The following UGT1A4 variants were observed in gnomAD, a reference collection of about 807,000 sequenced individuals.
UGT1A4 encodes UDP-glucuronosyltransferase 1A4.
Under a neutral mutation model 41.1 loss-of-function variants are expected in UGT1A4, and 32 were observed. That is an observed-to-expected ratio of 0.78 (90% confidence interval 0.59 to 1.05). UGT1A4 has a LOEUF of 1.05. UGT1A4 is among the 50% of genes least tolerant of loss of function. The pLI, the probability that UGT1A4 is intolerant of heterozygous loss-of-function variation, is 0.00. For synonymous variants in UGT1A4, 283 were observed against 265.1 expected (o/e 1.07, Z -0.66); for missense variants, 748 against 677.4 (o/e 1.10, Z -1.16).
At position 233,764,542 on chromosome 2, in the gene UGT1A4, C is replaced by T. The variant is rs34078324; in HGVS notation, c.868-2492C>T. ...CACATCCTGCTGATTGCTGAGTGGGCGTGTGGGAGGGTGTGCCTGGAGGAG... is the reference window on the plus strand; with the variant it reads ...CACATCCTGCTGATTGCTGAGTGGGTGTGTGGGAGGGTGTGCCTGGAGGAG... On this transcript the variant is annotated intron_variant, in intron 1 of 4. Transcript: ENST00000373409. Among the ~76,000 whole-genome samples, 1,361 of 152,150 alleles carry T rather than the reference C, an allele frequency of 8.9e-3. 20 individuals carry two copies. The highest frequency in any genetic ancestry group is 0.032 in the African/African-American group (1,309 of 41,498).
intron 1 of UGT1A4, among the ~76,000 whole-genome samples, chr2:233,720,365 G>C (rs920594093): frequency 6.6e-6 from 1 of 152,064 alleles, no homozygotes; most frequent in East Asian, 1.9e-4. Context: ...ATGTCAAAAG[G>C]GTCTTCTACT....
chr2:233,725,676 T>G (rs889497108), intron 1 of UGT1A4, among the ~76,000 whole-genome samples: 6 of 152,226 alleles, frequency 3.9e-5, no homozygotes, highest in African/African-American at 9.6e-5. Flanking sequence ...TAGTCACATT[T>G]CAAGTGCTCA....
chr2:233,718,875 C>T lies in UGT1A4; in HGVS notation c.55C>T (p.Leu19Phe). Residue 19 changes from leucine (L) to phenylalanine (F), a missense_variant, in exon 1 of 5, where the codon CTC becomes TTC. Leu to Phe is a conservative substitution (Grantham distance 22). Coordinates refer to ENST00000373409, the MANE Select transcript of UGT1A4 (RefSeq NM_007120.3). The part of the protein sequence containing the change: ...LPRLATGLLL[L>F]LSVQPWAESG... ...GCGGCTGGCCACAGGACTGCTGCTC[C>T]TCCTCAGTGTCCAGCCCTGGGCTGA... 1 of 1,613,984 alleles carries T rather than the reference C, an allele frequency of 6.2e-7. No homozygotes were observed. The highest frequency in any genetic ancestry group is 1.7e-4 in the Middle Eastern group (1 of 5,960).
chr2:233,728,143 T>C (rs2077685239), intron 1 of UGT1A4, among the ~76,000 whole-genome samples: 1 of 152,216 alleles, frequency 6.6e-6, no homozygotes, highest in African/African-American at 2.4e-5. Flanking sequence ...CCCCACAAAT[T>C]GTGCAGCCCA....
intron 1 of UGT1A4, chr2:233,760,404 C>T (rs1211296854): frequency 1.2e-6 from 2 of 1,614,220 alleles, no homozygotes; most frequent in Non-Finnish European, 8.5e-7. Flanking sequence ...ATGGCAGCCA[C>T]TGGCTGAGCA....
In UGT1A4 at chr2:233,755,096, G is replaced by A. The variant is rs62191920; in HGVS notation, c.868-11938G>A. On this transcript the variant is annotated intron_variant, in intron 1 of 4. Transcript: ENST00000373409. ...GGTCATAGATATCGCGTTTCTACGC[G>A]TCCGACAACACCTCGTAGGCCTCAG... 3.7e-6 allele frequency: 5 copies of A among 1,334,470 alleles called. No individual in the cohort carries two copies. The Admixed American group carries it at 7.6e-5, about 20-fold the overall frequency. 82.7% of individuals were successfully genotyped at this position (1,334,470 alleles called of 1,614,324 possible).
In UGT1A4 at chr2:233,772,456, T is replaced by A; in HGVS notation, c.1502T>A (p.Leu501Gln). The A allele has an allele frequency of 6.2e-7, 1 of 1,614,218 alleles. No homozygotes were observed. The highest frequency in any genetic ancestry group is 8.5e-7 in the Non-Finnish European group (1 of 1,180,044). Residue 501 changes from leucine to glutamine, a missense_variant, in exon 5 of 5, where the codon CTG (leucine) becomes CAG (glutamine). Leu to Gln is a moderately radical substitution (Grantham distance 113). Coordinates refer to ENST00000373409, the MANE Select transcript of UGT1A4 (RefSeq NM_007120.3). ...ATTGGTTTCCTCTTGGCCGTCGTGC[T>A]GACAGTGGCCTTCATCACCTTTAAA... is the stretch of plus-strand genomic sequence containing the variant. ...DVIGFLLAVV[L>Q]TVAFITFKCC...
chr2:233,742,647 G>A (rs1292075508), intron 1 of UGT1A4: 1 of 152,020 alleles, frequency 6.6e-6, no homozygotes, highest in African/African-American at 2.4e-5. Context: ...GTATACCACC[G>A]ACCAACCATG....
In UGT1A4 at chr2:233,719,401, T is replaced by C; in HGVS notation, c.581T>C (p.Ile194Thr). The C allele has an allele frequency of 1.9e-6, 3 of 1,614,018 alleles. No homozygotes were observed. Among genetic ancestry groups the C allele is most frequent in the South Asian group, 1.1e-5 (1 of 91,076 alleles). The change falls in exon 1 of 5, where the codon ATT becomes ACT. Residue 194 changes from isoleucine to threonine, a missense_variant. By Grantham distance (89) the Ile-to-Thr change is moderately conservative. Transcript: ENST00000373409. ...GTQCPNPSSY[I>T]PKLLTTNSDH... is the part of the protein sequence containing the mutation. Reference sequence around the variant, plus strand: ...CAGTGTCCAAATCCTTCCTCCTATATTCCTAAGTTACTAACGACCAATTCA... The same window carrying C: ...CAGTGTCCAAATCCTTCCTCCTATACTCCTAAGTTACTAACGACCAATTCA...
At chr2:233,767,302 A>G (rs951994488) in intron 2 of UGT1A4, 137 bp downstream of exon 2, 1 of 1,534,820 alleles carries the variant, frequency 6.5e-7, no homozygotes, top group African/African-American at 1.4e-5. Context: ...TATTAATCCA[A>G]AGGTTTTTTT....
chr2:233,731,938 C>T (rs1286643444), intron 1 of UGT1A4, among the ~76,000 whole-genome samples: 1 of 152,210 alleles, frequency 6.6e-6, no homozygotes, highest in African/African-American at 2.4e-5. Flanking sequence ...ACATCCTCTC[C>T]AACATCTGTT....
At chr2:233,743,706 C>G in intron 1 of UGT1A4, 1 of 1,367,368 alleles carries the variant, frequency 7.3e-7, no homozygotes, top group Non-Finnish European at 9.8e-7. Context: ...TCCGCCCCCG[C>G]CTCGCCATAG....
chr2:233,760,927 C>T (rs1225128510), intron 1 of UGT1A4: 3 of 1,614,216 alleles, frequency 1.9e-6, no homozygotes, highest in Non-Finnish European at 2.5e-6. Flanking sequence ...GAAGAACATG[C>T]TCATTGCCTT....
intron 1 of UGT1A4, among the ~76,000 whole-genome samples, chr2:233,736,594 G>A (rs1196858563): frequency 2.0e-5 from 3 of 152,156 alleles, no homozygotes; most frequent in African/African-American, 7.2e-5. Flanking sequence ...ATGTGCTTAT[G>A]CGCTATGGTT....
intron 1 of UGT1A4, chr2:233,729,638 T>G (rs2077898670): frequency 6.2e-7 from 1 of 1,613,806 alleles, no homozygotes; most frequent in Admixed American, 1.7e-5. Context: ...CCTACTGTGT[T>G]TTTTTTGAGG....
rs200734586 is a variant in UGT1A4 at position 233,760,641 on chromosome 2, G to T, written c.868-6393G>T. ...TCAAAACATACAAGAAAATAAAAAA[G>T]GACTCTGCTATGCTTTTGTCTGGCT... On this transcript the variant is annotated intron_variant, in intron 1 of 4. Transcript: ENST00000373409. The T allele has an allele frequency of 1.5e-4, 243 of 1,614,044 alleles. No individual in the cohort carries two copies. The highest frequency in any genetic ancestry group is 2.0e-4 in the Non-Finnish European group (236 of 1,180,030).
chr2:233,754,718 T>C (rs548415116), intron 1 of UGT1A4: 30 of 561,924 alleles, frequency 5.3e-5, no homozygotes, highest in African/African-American at 4.6e-4. Flanking sequence ...TGAAGCTGCC[T>C]GTCCCATCAC....
chr2:233,738,962 C>A (rs2125819813), intron 1 of UGT1A4: 1 of 152,334 alleles, frequency 6.6e-6, no homozygotes, highest in Admixed American at 6.5e-5. Flanking sequence ...GGGTCCAGGC[C>A]CCCACTGCTG....
intron 1 of UGT1A4, among the ~76,000 whole-genome samples, chr2:233,731,630 C>A (rs1226359620): frequency 6.6e-6 from 1 of 152,176 alleles, no homozygotes; most frequent in Non-Finnish European, 1.5e-5. Context: ...TTTTTTATGG[C>A]TGCATAGTAT....
Sources: gnomAD v4.1 joint callset for allele counts (sites outside exome capture counted in the v4.1 genomes callset) on GRCh38, gnomAD v4.1.1 for gene constraint, MANE v1.5 for transcripts, NCBI Gene and HGNC (gene_info 2026-07-23, HGNC 2026-07-21) for gene names.